The following ZNF789 variants were observed in gnomAD, a reference collection of about 807,000 sequenced individuals.
The protein encoded by ZNF789 is zinc finger protein 789.
Under a neutral mutation model 15.6 loss-of-function variants are expected in ZNF789, and 11 were observed. The ratio of observed to expected loss-of-function variants is 0.70; its 90% CI spans 0.44 to 1.16. The LOEUF (loss-of-function observed/expected upper bound fraction) is 1.16. ZNF789 is among the 50% of genes most tolerant of loss of function. The probability of loss-of-function intolerance (pLI) is 0.00; values close to 1 mark genes in which losing one functional copy is unlikely to be tolerated. For missense variants in ZNF789, 461 were observed against 512.6 expected, an observed-to-expected ratio of 0.90 and a Z score of 0.97; for synonymous variants, 159 against 176.0, an observed-to-expected ratio of 0.90 and a Z score of 0.76.
chr7:99,486,877 C>G lies in ZNF789; in HGVS notation c.667C>G (p.His223Asp), dbSNP rs766465059. Reference protein sequence around the residue: ...KAWFDQHQRIHFLENPFECKV... With the variant: ...KAWFDQHQRIDFLENPFECKV... The stretch of plus-strand genomic sequence containing the variant: ...ATGGTTTGATCAACATCAAAGAATT[C>G]ACTTTTTAGAGAATCCTTTTGAGTG... The change falls in exon 5 of 5, where the codon CAC (histidine) becomes GAC (aspartate). Residue 223 changes from histidine (H) to aspartate (D), a missense_variant. Coordinates refer to ENST00000331410, the MANE Select transcript of ZNF789 (RefSeq NM_213603.3). The G allele has an allele frequency of 6.2e-7, 1 of 1,614,172 alleles. No individual in the cohort carries two copies. Among genetic ancestry groups the G allele is most frequent in the Non-Finnish European group, 8.5e-7 (1 of 1,180,050 alleles).
chr7:99,482,328 A>G, intron 3 of ZNF789: 1 of 726,478 alleles, frequency 1.4e-6, no homozygotes, highest in South Asian at 1.4e-5. Flanking sequence ...ATTTACAAAG[A>G]TTGTGCCAAT....
chr7:99,473,508 T>C (rs1203249575), intron 1 of ZNF789, among the ~76,000 whole-genome samples: 1 of 152,196 alleles, frequency 6.6e-6, no homozygotes, highest in Middle Eastern at 3.2e-3. Flanking sequence ...CCTTCTAGGG[T>C]AAGTCGAGCT....
At position 99,487,199 on chromosome 7, in the gene ZNF789, G is replaced by C. The variant is rs116825831; in HGVS notation, c.989G>C (p.Cys330Ser). 6.2e-7 allele frequency: 1 copy of C among 1,614,122 alleles called. No homozygotes were observed. The highest frequency in any genetic ancestry group is 1.3e-5 in the African/African-American group (1 of 75,032). Residue 330 changes from cysteine to serine, a missense_variant, in exon 5 of 5, where the codon TGT (cysteine) becomes TCT (serine). Transcript: ENST00000331410. ...TTTGGCCGGCATTCAACCCTTCTAT[G>C]TCATCAACAGATTCACAGTAAACCG... ...KAFGRHSTLLCHQQIHSKPNT... is the reference protein window; with the variant it reads ...KAFGRHSTLLSHQQIHSKPNT...
chr7:99,485,585 A>G (rs1319955285), intron 4 of ZNF789, among the ~76,000 whole-genome samples: 1 of 152,110 alleles, frequency 6.6e-6, no homozygotes, highest in Non-Finnish European at 1.5e-5. Context: ...TAATCCCAAC[A>G]CTTTTGGAGG....
At chr7:99,475,821 T>C (rs981053758) in intron 1 of ZNF789, among the ~76,000 whole-genome samples, 5 of 150,470 alleles carry the variant, frequency 3.3e-5, no homozygotes, top group Admixed American at 2.0e-4. Flanking sequence ...TTTTTTTTTT[T>C]TTGAGATGGA....
intron 3 of ZNF789, chr7:99,483,572 A>C (rs1799757281): frequency 1.6e-6 from 1 of 623,954 alleles, no homozygotes; most frequent in Non-Finnish European, 2.9e-6. Flanking sequence ...CAGAGGTTGC[A>C]GTGCGCCAAG....
Position 99,484,152 on chromosome 7 carries a change from G to T in ZNF789, c.265+9G>T, listed in dbSNP as rs1318925005. On this transcript the variant is annotated intron_variant, in intron 4 of 4. Coordinates refer to ENST00000331410, the MANE Select transcript of ZNF789 (RefSeq NM_213603.3). The stretch of plus-strand genomic sequence containing the variant: ...CGGTAGTGCTTGCCCAGGTGGGTGA[G>T]GAAGAGACCCAGGCGAGTGGAATCA... 6.2e-7 allele frequency: 1 copy of T among 1,606,862 alleles called. No homozygotes were observed. Among genetic ancestry groups the T allele is most frequent in the South Asian group, 1.1e-5 (1 of 90,890 alleles).
intron 3 of ZNF789, chr7:99,482,177 G>A (rs1321189513): frequency 2.6e-6 from 2 of 779,210 alleles, no homozygotes; most frequent in Non-Finnish European, 4.8e-6. Context: ...TTTCCAGTTT[G>A]ATGCTGCAAT....
chr7:99,484,468 A>C (rs1329717598), intron 4 of ZNF789, among the ~76,000 whole-genome samples: 1 of 152,140 alleles, frequency 6.6e-6, no homozygotes, highest in Non-Finnish European at 1.5e-5. Flanking sequence ...GAAAATATAA[A>C]AATTAGCCCC....
chr7:99,482,050 A>T (rs529318861), intron 3 of ZNF789: 1 of 709,162 alleles, frequency 1.4e-6, no homozygotes, highest in African/African-American at 1.8e-5. Context: ...TCATAAATAT[A>T]TAATAAGATA....
At chr7:99,486,053 C>T (rs922719634) in intron 4 of ZNF789, among the ~76,000 whole-genome samples, 1 of 152,086 alleles carries the variant, frequency 6.6e-6, no homozygotes, top group African/African-American at 2.4e-5. Context: ...TGCGGTGGCT[C>T]ACGCCTGTAA....
intron 4 of ZNF789, among the ~76,000 whole-genome samples, chr7:99,485,652 C>T (rs1471648449): frequency 4.0e-5 from 6 of 151,468 alleles, no homozygotes; most frequent in South Asian, 2.1e-4. Flanking sequence ...GCCAACATGG[C>T]GAAATATCAT....
intron 3 of ZNF789, chr7:99,482,336 A>C (rs1249298916): frequency 1.4e-6 from 1 of 719,436 alleles, no homozygotes; most frequent in Non-Finnish European, 2.6e-6. Context: ...AGATTGTGCC[A>C]ATCTCTGTTT....
chr7:99,487,166 G>A lies in ZNF789; in HGVS notation c.956G>A (p.Gly319Glu). The stretch of plus-strand genomic sequence containing the variant: ...AAACGCCATAAATGCCTTGAGTGTG[G>A]AAAAGCCTTTGGCCGGCATTCAACC... ...GEKRHKCLECGKAFGRHSTLL... is the reference protein window; with the variant it reads ...GEKRHKCLECEKAFGRHSTLL... Residue 319 changes from glycine to glutamate, a missense_variant, in exon 5 of 5, where the codon GGA becomes GAA. Coordinates refer to ENST00000331410, the MANE Select transcript of ZNF789 (RefSeq NM_213603.3). 1 of 1,614,128 alleles carries A rather than the reference G, an allele frequency of 6.2e-7. No individual in the cohort carries two copies. Among genetic ancestry groups the A allele is most frequent in the Non-Finnish European group, 8.5e-7 (1 of 1,180,040 alleles).
chr7:99,484,626 A>AATAT (rs139088086), intron 4 of ZNF789, among the ~76,000 whole-genome samples: 1 of 151,006 alleles, frequency 6.6e-6, no homozygotes, highest in African/African-American at 2.4e-5. Flanking sequence ...TCAATTAAAA[A>AATAT]ATATATATAT....
At chr7:99,483,536 CAGA>C (rs1799755582) in intron 3 of ZNF789, 15 of 563,194 alleles carry the variant, frequency 2.7e-5, no homozygotes, top group South Asian at 2.3e-4. Context: ...GAGGCTGAGG[CAGA>C]AGAATTACTT....
rs1209722412 is a variant in ZNF789, at chr7:99,484,063, A to G, written c.185A>G (p.Gln62Arg). 3.7e-6 allele frequency: 6 copies of G among 1,614,026 alleles called. No homozygotes were observed. The highest frequency in any genetic ancestry group is 5.1e-6 in the Non-Finnish European group (6 of 1,180,040). ...FQFPKPEMICQLENWDEQWIL... is the reference protein window; with the variant it reads ...FQFPKPEMICRLENWDEQWIL... ...TTTCCCAAACCTGAGATGATCTGTCAGCTGGAGAACTGGGACGAGCAGTGG... is the reference window on the plus strand; with the variant it reads ...TTTCCCAAACCTGAGATGATCTGTCGGCTGGAGAACTGGGACGAGCAGTGG... The change falls in exon 4 of 5, where the codon CAG becomes CGG. Residue 62 changes from glutamine (Q) to arginine (R), a missense_variant. Gln to Arg is a conservative substitution (Grantham distance 43). Transcript: ENST00000331410.
chr7:99,486,392 C>G lies in ZNF789; in HGVS notation c.266-84C>G, dbSNP rs1584574555. ...CACTTCTTAGCTTCATTTGATTGTC[C>G]TAGACCCCTAACAGTTGCCTTCTCT... On this transcript the variant is annotated intron_variant, in intron 4 of 4. Coordinates refer to ENST00000331410, the MANE Select transcript of ZNF789 (RefSeq NM_213603.3). The G allele has an allele frequency of 2.3e-6, 3 of 1,279,570 alleles. No homozygotes were observed. In the East Asian group the frequency reaches 7.4e-5, roughly 31 times the overall value. The allele number at this position is 1,279,570 out of a possible 1,614,324, so 79.3% of individuals were successfully genotyped here. A position where few individuals can be genotyped will look rare whatever the true frequency, so the allele number is the denominator to read the frequency against.
chr7:99,487,598 C>T lies in ZNF789; in HGVS notation c.*110C>T, dbSNP rs1366283540. 1 of 1,298,992 alleles carries T rather than the reference C, an allele frequency of 7.7e-7. No homozygotes were observed. Among genetic ancestry groups the T allele is most frequent in the African/African-American group, 1.5e-5 (1 of 66,752 alleles). The allele number at this position is 1,298,992 out of a possible 1,614,324, so 80.5% of individuals were successfully genotyped here. On this transcript the variant is annotated 3_prime_UTR_variant, in exon 5 of 5. Transcript: ENST00000331410. ...GCAATAAATGTAACAAAGGGTTTTT[C>T]TATGGGAGCCATCTTTGTGTAGCCA... is the stretch of plus-strand genomic sequence containing the variant.
Sources: gnomAD v4.1 joint callset for allele counts (sites outside exome capture counted in the v4.1 genomes callset) on GRCh38, gnomAD v4.1.1 for gene constraint, MANE v1.5 for transcripts, NCBI Gene and HGNC (gene_info 2026-07-23, HGNC 2026-07-21) for gene names.